The following DLGAP4 variants were observed in gnomAD, a reference collection of about 807,000 sequenced individuals.
The protein encoded by DLGAP4 is disks large-associated protein 4.
DLGAP4 carries 18 observed loss-of-function variants against 86.9 expected under a neutral mutation model. The ratio of observed to expected loss-of-function variants is 0.21; its 90% CI spans 0.14 to 0.31. The LOEUF (loss-of-function observed/expected upper bound fraction) is 0.31. Among genes scored for constraint, DLGAP4 ranks in the 10% least tolerant of loss-of-function variants. The pLI, the probability that DLGAP4 is intolerant of heterozygous loss-of-function variation, is 1.00. For synonymous variants in DLGAP4, 548 were observed against 574.3 expected (o/e 0.95, Z 0.65); for missense variants, 1,085 against 1,362.6 (o/e 0.80, Z 3.21).
At chr20:36,512,726 C>G (rs993948694) in intron 10 of DLGAP4, 1 of 152,256 alleles carries the variant, frequency 6.6e-6, no homozygotes, top group Admixed American at 6.6e-5. Flanking sequence ...GAGCAGAAAC[C>G]TGAAGAGAGG....
In DLGAP4 at chr20:36,524,245, C is replaced by T; in HGVS notation, c.2513-5C>T. On this transcript the variant is annotated splice_polypyrimidine_tract_variant and splice_region_variant and intron_variant, in intron 10 of 12. Transcript: ENST00000339266. Reference sequence around the variant, plus strand: ...ATCAGTCTTTTTCCACCCTCTGTTTCTCAGTCTTAGGAAAAGTCCTCAGTG... The same window carrying T: ...ATCAGTCTTTTTCCACCCTCTGTTTTTCAGTCTTAGGAAAAGTCCTCAGTG... 2 of 1,613,674 alleles carry T rather than the reference C, an allele frequency of 1.2e-6. No individual in the cohort carries two copies. The highest frequency in any genetic ancestry group is 3.3e-5 in the Admixed American group (2 of 60,020).
intron 7 of DLGAP4, among the ~76,000 whole-genome samples, chr20:36,483,831 C>A (rs769189101): frequency 6.6e-6 from 1 of 152,252 alleles, no homozygotes; most frequent in Non-Finnish European, 1.5e-5. Context: ...GGTCACCAGG[C>A]CCCTGTCCTC....
chr20:36,524,546 T>C (rs1184268266), intron 11 of DLGAP4, among the ~76,000 whole-genome samples: 1 of 152,214 alleles, frequency 6.6e-6, no homozygotes, highest in Non-Finnish European at 1.5e-5. Context: ...CTCTAATATC[T>C]TTCCATGTTG....
intron 1 of DLGAP4, among the ~76,000 whole-genome samples, chr20:36,318,169 G>C (rs927106552): frequency 6.9e-6 from 1 of 144,694 alleles, no homozygotes; most frequent in Non-Finnish European, 1.5e-5. Context: ...GTCTACTCCA[G>C]GAGTGACTTT....
At chr20:36,423,236 C>T (rs969322477) in intron 2 of DLGAP4, among the ~76,000 whole-genome samples, 13 of 151,410 alleles carry the variant, frequency 8.6e-5, no homozygotes, top group Admixed American at 4.6e-4. Context: ...CTGAGGCGGG[C>T]GGATCACTTG....
At position 36,467,016 on chromosome 20, in the gene DLGAP4, TC is replaced by T. The variant is rs564311235; in HGVS notation, c.1648+20081del. On this transcript the variant is annotated intron_variant, in intron 7 of 12. Coordinates refer to ENST00000339266, the MANE Select transcript of DLGAP4 (RefSeq NM_001365621.2). ...GTCTCTGTCTCTCTCTCTCTCTCTC[TC>T]CTCTCTCTCTCTCTCTCTCTCTCTC... 7.0e-3 allele frequency among the ~76,000 whole-genome samples: 278 copies of T among 39,594 alleles called. 1 individual carries two copies. The highest frequency in any genetic ancestry group is 0.012 in the Middle Eastern group (1 of 86). The allele number at this position is 39,594 out of a possible 152,430, so 26.0% of individuals were successfully genotyped here.
intron 7 of DLGAP4, among the ~76,000 whole-genome samples, chr20:36,473,761 T>C (rs747071160): frequency 1.3e-5 from 2 of 152,064 alleles, no homozygotes; most frequent in Non-Finnish European, 2.9e-5. Context: ...GCAAATACGA[T>C]TTTTATGTAC....
At chr20:36,508,431 T>C (rs1456193469) in intron 10 of DLGAP4, among the ~76,000 whole-genome samples, 1 of 145,734 alleles carries the variant, frequency 6.9e-6, no homozygotes, top group African/African-American at 2.6e-5. Flanking sequence ...TCTTTTTTTT[T>C]TTTTTTTTTT....
chr20:36,332,962 C>G (rs2065284995), intron 1 of DLGAP4, among the ~76,000 whole-genome samples: 1 of 152,206 alleles, frequency 6.6e-6, no homozygotes. Context: ...TCTTTCTTTC[C>G]TTCCAAGAGC....
intron 2 of DLGAP4, among the ~76,000 whole-genome samples, chr20:36,398,563 G>A (rs1167674160): frequency 6.6e-6 from 1 of 152,192 alleles, no homozygotes; most frequent in Non-Finnish European, 1.5e-5. Flanking sequence ...AGCTGTGGAA[G>A]CAATAATACC....
intron 7 of DLGAP4, among the ~76,000 whole-genome samples, chr20:36,495,568 G>A (rs1041087364): frequency 2.0e-5 from 3 of 152,244 alleles, no homozygotes; most frequent in African/African-American, 4.8e-5. Context: ...TGCCAACAGA[G>A]TTCTCATCGT....
chr20:36,470,687 T>C (rs943481775), intron 7 of DLGAP4, among the ~76,000 whole-genome samples: 1 of 152,144 alleles, frequency 6.6e-6, no homozygotes, highest in Non-Finnish European at 1.5e-5. Flanking sequence ...CACGTGCAGC[T>C]ATTGTCAGTA....
intron 11 of DLGAP4, chr20:36,525,534 G>C: frequency 2.4e-6 from 1 of 409,194 alleles, no homozygotes; most frequent in Non-Finnish European, 4.5e-6. Flanking sequence ...CGGTGTCACT[G>C]TCACACCATG....
At chr20:36,358,351 G>C (rs2147399208) in intron 1 of DLGAP4, among the ~76,000 whole-genome samples, 1 of 152,294 alleles carries the variant, frequency 6.6e-6, no homozygotes, top group East Asian at 1.9e-4. Context: ...ACGCTACTCT[G>C]TTGTGGAACA....
intron 2 of DLGAP4, among the ~76,000 whole-genome samples, chr20:36,406,120 C>T (rs1411715589): frequency 4.6e-5 from 7 of 151,908 alleles, no homozygotes; most frequent in Admixed American, 2.0e-4. Flanking sequence ...TCTTGAAGGC[C>T]GGGCGCGGTG....
rs1569528037 is a variant in DLGAP4, at chr20:36,527,044, G to GGAAA, written c.*18_*21dup. 1.3e-6 allele frequency: 2 copies of GGAAA among 1,569,654 alleles called. No individual in the cohort carries two copies. Among genetic ancestry groups the GGAAA allele is most frequent in the East Asian group, 2.3e-5 (1 of 44,220 alleles). On this transcript the variant is annotated 3_prime_UTR_variant, in exon 13 of 13. Transcript: ENST00000339266. Reference sequence around the variant, plus strand: ...GACCAGGCTCTGAGACCATGCAGGAGGAAAGAAACGATTTTAAATCATTAA... The same window carrying GGAAA: ...GACCAGGCTCTGAGACCATGCAGGAGGAAAGAAAGAAACGATTTTAAATCATTAA...
chr20:36,354,404 T>C (rs1032367305), intron 1 of DLGAP4, among the ~76,000 whole-genome samples: 9 of 152,218 alleles, frequency 5.9e-5, no homozygotes, highest in African/African-American at 2.2e-4. Flanking sequence ...ATTTTAAGCA[T>C]TCTCTTTAAT....
chr20:36,426,616 T>G (rs1600513676), intron 2 of DLGAP4, among the ~76,000 whole-genome samples: 1 of 151,772 alleles, frequency 6.6e-6, no homozygotes, highest in African/African-American at 2.4e-5. Context: ...CTGTTTGGGG[T>G]GATGGAATGG....
Position 36,474,556 on chromosome 20 carries a change from C to G in DLGAP4, c.1649-22149C>G, listed in dbSNP as rs552442363. On this transcript the variant is annotated intron_variant, in intron 7 of 12. Transcript: ENST00000339266. ...CTCTCCTGGAACTTTCTTGCCTTCC[C>G]CCTGGCGTGGCTGTTGCCCTGCACA... is the stretch of plus-strand genomic sequence containing the variant. 8.7e-4 allele frequency among the ~76,000 whole-genome samples: 132 copies of G among 152,310 alleles called. 1 individual carries two copies. Among genetic ancestry groups the G allele is most frequent in the African/African-American group, 3.1e-3 (129 of 41,564 alleles).
Sources: gnomAD v4.1 joint callset for allele counts (sites outside exome capture counted in the v4.1 genomes callset) on GRCh38, gnomAD v4.1.1 for gene constraint, MANE v1.5 for transcripts, NCBI Gene and HGNC (gene_info 2026-07-23, HGNC 2026-07-21) for gene names.